Variants in NELL1 observed in about 807,000 individuals in gnomAD.
The protein encoded by NELL1 is neural EGFL like 1, also known as protein kinase C-binding protein NELL1.
NELL1 carries 76 observed loss-of-function variants against 107.4 expected under a neutral mutation model. The ratio of observed to expected loss-of-function variants is 0.71; its 90% CI spans 0.59 to 0.86. NELL1 has a LOEUF of 0.86. Among genes scored for constraint, NELL1 ranks in the 40% least tolerant of loss-of-function variants. The pLI, the probability that NELL1 is intolerant of heterozygous loss-of-function variation, is 0.00. For missense variants in NELL1, 1,024 were observed against 1,005.5 expected (o/e 1.02, Z -0.25); for synonymous variants, 353 against 341.2 (o/e 1.03, Z -0.38).
chr11:21,289,069 C>A (rs1219369574), intron 14 of NELL1, among the ~76,000 whole-genome samples: 1 of 152,034 alleles, frequency 6.6e-6, no homozygotes, highest in Non-Finnish European at 1.5e-5. Flanking sequence ...TAGGGTAGAC[C>A]AGATATAAGA....
intron 2 of NELL1, among the ~76,000 whole-genome samples, chr11:20,735,423 G>A (rs1855739401): frequency 6.6e-6 from 1 of 152,170 alleles, no homozygotes; most frequent in Non-Finnish European, 1.5e-5. Flanking sequence ...ACAGGAAGGA[G>A]AAGTGCCAAG....
chr11:20,698,878 T>A (rs546095292), intron 2 of NELL1, among the ~76,000 whole-genome samples: 1 of 152,260 alleles, frequency 6.6e-6, no homozygotes, highest in African/African-American at 2.4e-5. Flanking sequence ...CACTTATAAG[T>A]TATACAATAT....
At chr11:21,457,152 T>C (rs564291270) in intron 15 of NELL1, among the ~76,000 whole-genome samples, 1 of 152,326 alleles carries the variant, frequency 6.6e-6, no homozygotes, top group South Asian at 2.1e-4. Flanking sequence ...TGGCCAGTTC[T>C]ACCTGAGCAA....
At chr11:21,157,202 C>T (rs919933593) in intron 13 of NELL1, among the ~76,000 whole-genome samples, 20 of 151,526 alleles carry the variant, frequency 1.3e-4, no homozygotes, top group African/African-American at 4.4e-4. Flanking sequence ...TATATACACA[C>T]ACCAAATTAA....
At chr11:20,712,780 C>G (rs1855145559) in intron 2 of NELL1, among the ~76,000 whole-genome samples, 2 of 152,174 alleles carry the variant, frequency 1.3e-5, no homozygotes, top group Non-Finnish European at 1.5e-5. Context: ...GGCTACCAGG[C>G]TCTAGGCTGG....
At chr11:21,530,097 T>G (rs932678873) in intron 15 of NELL1, among the ~76,000 whole-genome samples, 1 of 152,118 alleles carries the variant, frequency 6.6e-6, no homozygotes. Flanking sequence ...ATGGGGCAAA[T>G]GTACTAGCAC....
intron 13 of NELL1, among the ~76,000 whole-genome samples, chr11:21,214,157 T>G (rs954149418): frequency 6.6e-6 from 1 of 152,174 alleles, no homozygotes; most frequent in African/African-American, 2.4e-5. Context: ...TTTTCAGAAT[T>G]TGGAATATTT....
intron 14 of NELL1, among the ~76,000 whole-genome samples, chr11:21,327,209 G>A (rs550214596): frequency 1.7e-5 from 2 of 120,988 alleles, no homozygotes; most frequent in African/African-American, 3.1e-5. Flanking sequence ...GTGTAGGAAG[G>A]GGGGAGGGAT....
At chr11:21,347,999 G>A (rs1850721507) in intron 14 of NELL1, among the ~76,000 whole-genome samples, 1 of 152,208 alleles carries the variant, frequency 6.6e-6, no homozygotes, top group African/African-American at 2.4e-5. Flanking sequence ...GAACTGAAAA[G>A]GCTGAGCTAA....
chr11:21,286,976 C>T (rs749525895), intron 14 of NELL1, among the ~76,000 whole-genome samples: 7 of 152,138 alleles, frequency 4.6e-5, no homozygotes, highest in Admixed American at 1.3e-4. Context: ...GTTGGAAAGA[C>T]GGAGAAAATT....
intron 2 of NELL1, among the ~76,000 whole-genome samples, chr11:20,771,717 C>T (rs1157230950): frequency 6.6e-6 from 1 of 152,162 alleles, no homozygotes; most frequent in Non-Finnish European, 1.5e-5. Flanking sequence ...TTCTGTCAGG[C>T]TTAATACAAG....
chr11:20,805,132 C>A (rs1857355064), intron 3 of NELL1, among the ~76,000 whole-genome samples: 1 of 152,050 alleles, frequency 6.6e-6, no homozygotes, highest in African/African-American at 2.4e-5. Context: ...ATATCTTTTT[C>A]CATTCCTTTA....
intron 12 of NELL1, among the ~76,000 whole-genome samples, chr11:20,984,403 G>A (rs1431130457): frequency 6.6e-6 from 1 of 152,062 alleles, no homozygotes; most frequent in Non-Finnish European, 1.5e-5. Context: ...TGAATTGTCT[G>A]GATTCTCAGT....
chr11:21,149,082 G>A (rs1371218488), intron 13 of NELL1, among the ~76,000 whole-genome samples: 1 of 152,098 alleles, frequency 6.6e-6, no homozygotes. Flanking sequence ...TTTTATTTAT[G>A]AAGGGAGACC....
chr11:21,563,217 A>G (rs753187940), intron 17 of NELL1, among the ~76,000 whole-genome samples: 1 of 152,014 alleles, frequency 6.6e-6, no homozygotes, highest in African/African-American at 2.4e-5. Context: ...TGGCTCTTCC[A>G]TTCATAAATT....
chr11:20,901,199 A>T (rs1376889090), intron 5 of NELL1, among the ~76,000 whole-genome samples: 1 of 152,132 alleles, frequency 6.6e-6, no homozygotes, highest in African/African-American at 2.4e-5. Flanking sequence ...ATAAAAAATG[A>T]TCACCAAATT....
intron 5 of NELL1, among the ~76,000 whole-genome samples, chr11:20,909,343 CA>C (rs1850074377): frequency 6.6e-6 from 1 of 152,054 alleles, no homozygotes; most frequent in Non-Finnish European, 1.5e-5. Flanking sequence ...CAAAACAAAA[CA>C]GGTAGCTTGG....
chr11:21,093,666 G>A (rs1236909912), intron 12 of NELL1, among the ~76,000 whole-genome samples: 1 of 152,300 alleles, frequency 6.6e-6, no homozygotes, highest in Non-Finnish European at 1.5e-5. Context: ...AATCATAGCG[G>A]AAGGCAATGA....
intron 2 of NELL1, among the ~76,000 whole-genome samples, chr11:20,678,933 T>C (rs1457741280): frequency 6.6e-6 from 1 of 152,076 alleles, no homozygotes; most frequent in Non-Finnish European, 1.5e-5. Context: ...AAAAAATGGA[T>C]AAAAAGCCTG....
Sources: allele counts gnomAD v4.1 joint callset (sites outside exome capture counted in the v4.1 genomes callset), GRCh38; gene constraint gnomAD v4.1.1; transcripts MANE v1.5; gene names NCBI Gene and HGNC (gene_info 2026-07-23, HGNC 2026-07-21).